GTPBP1: variants seen among roughly 807,000 people sequenced by gnomAD.
GTPBP1 encodes GTP binding protein 1.
In GTPBP1, 23 loss-of-function variants were observed where a neutral mutation model predicts 62.0. That is an observed-to-expected ratio of 0.37 (90% CI 0.27 to 0.53). GTPBP1 has a LOEUF of 0.53. Ranked by LOEUF, GTPBP1 falls within the 20% of genes least tolerant of loss-of-function variation. GTPBP1 has a pLI of 0.89. For synonymous variants in GTPBP1, 344 were observed against 364.4 expected (o/e 0.94, Z 0.64); for missense variants, 640 against 917.3 (o/e 0.70, Z 3.90).
intron 2 of GTPBP1, among the ~76,000 whole-genome samples, chr22:38,710,122 C>T (rs1165098228): frequency 6.6e-6 from 1 of 152,234 alleles, no homozygotes; most frequent in Non-Finnish European, 1.5e-5. Flanking sequence ...GGCCTGGATG[C>T]ATCATTAAAG....
chr22:38,711,661 G>C (rs1028362352), intron 2 of GTPBP1, among the ~76,000 whole-genome samples: 3 of 152,036 alleles, frequency 2.0e-5, no homozygotes, highest in Non-Finnish European at 4.4e-5. Flanking sequence ...GGCTAACATA[G>C]TGAAACCCCA....
At chr22:38,711,599 T>C (rs1197927239) in intron 2 of GTPBP1, among the ~76,000 whole-genome samples, 1 of 152,150 alleles carries the variant, frequency 6.6e-6, no homozygotes, top group Non-Finnish European at 1.5e-5. Flanking sequence ...CCCAGCACTT[T>C]GGGAGGCCAA....
chr22:38,742,355 G>T (rs1462019058), downstream of GTPBP1: 2 of 1,611,868 alleles, frequency 1.2e-6, no homozygotes, highest in Non-Finnish European at 1.7e-6. Flanking sequence ...CAGCTTCACG[G>T]CGGCTCACTA....
chr22:38,708,444 A>G (rs1472626561), intron 1 of GTPBP1, among the ~76,000 whole-genome samples: 2 of 152,188 alleles, frequency 1.3e-5, no homozygotes, highest in African/African-American at 4.8e-5. Context: ...GCATGGAGGT[A>G]TATGAGGTAT....
intron 5 of GTPBP1, among the ~76,000 whole-genome samples, chr22:38,723,845 T>C (rs2092713277): frequency 6.6e-6 from 1 of 152,222 alleles, no homozygotes; most frequent in African/African-American, 2.4e-5. Flanking sequence ...TCTCCCTCAC[T>C]GCTAAAGATT....
chr22:38,722,894 GC>G, intron 5 of GTPBP1: 2 of 1,280,496 alleles, frequency 1.6e-6, no homozygotes, highest in Non-Finnish European at 2.3e-6. Context: ...CCACGCTTCG[GC>G]CCACTGGGAG....
chr22:38,722,290 G>A (rs546904686), intron 5 of GTPBP1, among the ~76,000 whole-genome samples: 1 of 152,328 alleles, frequency 6.6e-6, no homozygotes, highest in African/African-American at 2.4e-5. Flanking sequence ...CATTGCAGGA[G>A]TTAAATTTGA....
downstream of GTPBP1, chr22:38,740,232 G>T: frequency 6.6e-7 from 1 of 1,511,586 alleles, no homozygotes; most frequent in East Asian, 2.4e-5. The surrounding 1 kb of genome is among the most constrained non-coding windows in gnomAD (Gnocchi z 4.8). Context: ...AGGAGGAGGA[G>T]AGGGACCAGC....
In GTPBP1 at chr22:38,730,464, C is replaced by T; in HGVS notation, c.1918-148C>T. On this transcript the variant is annotated intron_variant, in intron 11 of 11. Coordinates refer to ENST00000216044, the MANE Select transcript of GTPBP1 (RefSeq NM_004286.5). This position sits in a 1 kb window ranked among gnomAD's most constrained non-coding sequence, Gnocchi z 5.6. ...AGGGGAGGTGCTGCATGCAGAGTGA[C>T]CCAGTAAATTCCTGGTCAGGCTAGG... 1.6e-6 allele frequency: 1 copy of T among 622,316 alleles called. No individual in the cohort carries two copies. The highest frequency in any genetic ancestry group is 2.9e-6 in the Non-Finnish European group (1 of 347,494). 38.5% of individuals were successfully genotyped at this position (622,316 alleles called of 1,614,324 possible).
chr22:38,710,374 ATGT>A (rs2092631164), intron 2 of GTPBP1, among the ~76,000 whole-genome samples: 1 of 152,200 alleles, frequency 6.6e-6, no homozygotes, highest in Admixed American at 6.5e-5. Context: ...GTATTTGGAA[ATGT>A]TGTAAGAGTG....
At chr22:38,717,289 C>G (rs1052644873) in intron 4 of GTPBP1, among the ~76,000 whole-genome samples, 2 of 152,218 alleles carry the variant, frequency 1.3e-5, no homozygotes, top group Non-Finnish European at 2.9e-5. Flanking sequence ...GAGGGTTTCT[C>G]CTGGGCCTTA....
chr22:38,717,503 G>T (rs1377957836), intron 4 of GTPBP1, among the ~76,000 whole-genome samples: 1 of 152,178 alleles, frequency 6.6e-6, no homozygotes, highest in Non-Finnish European at 1.5e-5. Context: ...CCCTTGTTGA[G>T]AGGCTCCTGT....
intron 4 of GTPBP1, among the ~76,000 whole-genome samples, chr22:38,717,469 G>T (rs1390722229): frequency 6.6e-6 from 1 of 152,192 alleles, no homozygotes; most frequent in Non-Finnish European, 1.5e-5. Context: ...CTGGAGCCTG[G>T]GAGGAGGATC....
At chr22:38,723,955 A>C (rs1252619582) in intron 5 of GTPBP1, among the ~76,000 whole-genome samples, 1 of 152,140 alleles carries the variant, frequency 6.6e-6, no homozygotes, top group Non-Finnish European at 1.5e-5. Flanking sequence ...TTTTCCAGGA[A>C]GTAGTGCATT....
chr22:38,724,892 C>A (rs963101361), intron 6 of GTPBP1, among the ~76,000 whole-genome samples: 1 of 152,234 alleles, frequency 6.6e-6, no homozygotes, highest in South Asian at 2.1e-4. Flanking sequence ...TGTATTCTTT[C>A]ATTCCATAAA....
chr22:38,710,443 C>A (rs1022226095), intron 2 of GTPBP1, among the ~76,000 whole-genome samples: 2 of 152,178 alleles, frequency 1.3e-5, no homozygotes, highest in Non-Finnish European at 2.9e-5. Flanking sequence ...TTTGAAATAT[C>A]TTTCGTATCT....
Position 38,729,503 on chromosome 22 carries a change from G to T in GTPBP1, c.1758G>T (p.Pro586=). ...ACAACTCCCCAATGAACTCCAAGCCGCAGCAGATTAAAATGCAGTCGACGA... is the reference window on the plus strand; with the variant it reads ...ACAACTCCCCAATGAACTCCAAGCCTCAGCAGATTAAAATGCAGTCGACGA... ...TTNNSPMNSK[P]QQIKMQSTKK... The change falls in exon 11 of 12, where the codon CCG becomes CCT. Residue 586 remains proline, a synonymous_variant. Coordinates refer to ENST00000216044, the MANE Select transcript of GTPBP1 (RefSeq NM_004286.5). 1.2e-6 allele frequency: 2 copies of T among 1,609,114 alleles called. No homozygotes were observed. The highest frequency in any genetic ancestry group is 1.1e-5 in the South Asian group (1 of 90,494).
At chr22:38,721,969 CTTT>C (rs1346198963) in intron 5 of GTPBP1, 104 bp downstream of exon 5, 2 of 668,234 alleles carry the variant, frequency 3.0e-6, no homozygotes, top group East Asian at 3.1e-5. Flanking sequence ...AACTTCTTTT[CTTT>C]TTTATTTTTA....
chr22:38,722,272 T>A (rs1310801655), intron 5 of GTPBP1, among the ~76,000 whole-genome samples: 1 of 152,248 alleles, frequency 6.6e-6, no homozygotes, highest in African/African-American at 2.4e-5. Flanking sequence ...TTCAATCACA[T>A]AAACATTCAT....
Sources: allele counts gnomAD v4.1 joint callset (sites outside exome capture counted in the v4.1 genomes callset), GRCh38; gene constraint gnomAD v4.1.1; non-coding constraint Gnocchi (gnomAD v3.1); transcripts MANE v1.5; gene names NCBI Gene and HGNC (gene_info 2026-07-23, HGNC 2026-07-21).